USP34: variants seen among roughly 807,000 people sequenced by gnomAD.
USP34 encodes ubiquitin specific peptidase 34.
Under a neutral mutation model 460.3 loss-of-function variants are expected in USP34, and 70 were observed. That is an observed-to-expected ratio of 0.15 (90% confidence interval 0.13 to 0.19). The LOEUF (loss-of-function observed/expected upper bound fraction) is 0.19, where lower values mean the gene tolerates loss of function less well. USP34 is among the 10% of genes least tolerant of loss of function. USP34 has a pLI of 1.00. For synonymous variants in USP34, 1,647 were observed against 1,405.3 expected, an observed-to-expected ratio of 1.17 and a Z score of -3.85; for missense variants, 3,985 against 4,236.2, an observed-to-expected ratio of 0.94 and a Z score of 1.65.
chr2:61,356,938 CAAG>C (rs906163186), intron 10 of USP34, among the ~76,000 whole-genome samples: 2 of 151,784 alleles, frequency 1.3e-5, no homozygotes, highest in Non-Finnish European at 2.9e-5. Flanking sequence ...TTCAAAATAC[CAAG>C]AAGATATGAC....
intron 76 of USP34, 85 bp from the exon 77 acceptor site, chr2:61,190,743 C>G: frequency 6.7e-7 from 1 of 1,488,816 alleles, no homozygotes; most frequent in Non-Finnish European, 9.0e-7. Context: ...AAAAAACATA[C>G]ACTTGTGTAT....
intron 48 of USP34, among the ~76,000 whole-genome samples, chr2:61,252,758 A>G (rs992864029): frequency 6.6e-6 from 1 of 152,206 alleles, no homozygotes; most frequent in Non-Finnish European, 1.5e-5. Context: ...TCATCCTAAC[A>G]ATTCTGAAGA....
intron 27 of USP34, among the ~76,000 whole-genome samples, 177 bp downstream of exon 27, chr2:61,311,363 C>T (rs781222330): frequency 1.3e-5 from 2 of 151,732 alleles, no homozygotes; most frequent in Admixed American, 6.6e-5. Flanking sequence ...CTGTTCTTTA[C>T]CTAGTCTGTA....
intron 59 of USP34, among the ~76,000 whole-genome samples, chr2:61,229,330 T>A (rs1418569710): frequency 2.0e-5 from 3 of 151,686 alleles, no homozygotes; most frequent in Non-Finnish European, 4.4e-5. Flanking sequence ...TTAAGAAACT[T>A]AAAAATTAGG....
chr2:61,367,980 G>T (rs554955522), intron 10 of USP34, among the ~76,000 whole-genome samples: 1 of 152,038 alleles, frequency 6.6e-6, no homozygotes, highest in Non-Finnish European at 1.5e-5. Context: ...TTACAAAGAG[G>T]CAAGTAAAAA....
Position 61,266,180 on chromosome 2 carries a change from A to T in USP34, c.5434-13T>A. ...CTCTCAAAAATTCCTGGGGAGTAAA[A>T]GGAAACATGTTATCTAAACTGAGAT... On this transcript the variant is annotated splice_polypyrimidine_tract_variant and intron_variant, in intron 41 of 79. Transcript: ENST00000398571. 1 of 1,600,270 alleles carries T rather than the reference A, an allele frequency of 6.2e-7. No homozygotes were observed. The highest frequency in any genetic ancestry group is 8.6e-7 in the Non-Finnish European group (1 of 1,169,556).
chr2:61,229,465 A>AACAAAAAAAC, intron 59 of USP34, 83 bp downstream of exon 59: 1 of 633,290 alleles, frequency 1.6e-6, no homozygotes, highest in Non-Finnish European at 2.2e-6. Flanking sequence ...CTTAAAAAAA[A>AACAAAAAAAC]AAAAAAAAAA....
At chr2:61,276,080 G>C (rs1572893361) in intron 41 of USP34, among the ~76,000 whole-genome samples, 1 of 152,176 alleles carries the variant, frequency 6.6e-6, no homozygotes, top group South Asian at 2.1e-4. Context: ...TAAGTAAATG[G>C]AAAGAAACCC....
At chr2:61,379,653 T>C (rs980981857) in intron 7 of USP34, among the ~76,000 whole-genome samples, 1 of 152,236 alleles carries the variant, frequency 6.6e-6, no homozygotes, top group African/African-American at 2.4e-5. Flanking sequence ...ACTGTTGTTA[T>C]GCAAGAATAC....
chr2:61,266,498 G>A (rs547939797), intron 41 of USP34, among the ~76,000 whole-genome samples: 2 of 152,238 alleles, frequency 1.3e-5, no homozygotes, highest in Admixed American at 6.5e-5. Flanking sequence ...TGGCGCTTCT[G>A]CATTAACTTT....
intron 1 of USP34, among the ~76,000 whole-genome samples, chr2:61,450,379 C>A (rs1366227311): frequency 6.6e-6 from 1 of 152,110 alleles, no homozygotes; most frequent in Non-Finnish European, 1.5e-5. Flanking sequence ...TTGCACAACT[C>A]TGAATCAGTC....
intron 27 of USP34, among the ~76,000 whole-genome samples, chr2:61,311,265 G>A (rs780096146): frequency 3.9e-5 from 6 of 152,146 alleles, no homozygotes; most frequent in African/African-American, 1.2e-4. Context: ...CCCTCTGCCT[G>A]TGAGGAGGCA....
chr2:61,246,447 T>C lies in USP34; in HGVS notation c.6425A>G (p.Asp2142Gly). ...GFKEVSDHSK[D>G]SESYEYDLIG... ...CAAGTCATATTCATAGCTCTCTGAG[T>C]CTTTTGAATGATCACTGACTTCTTT... The change falls in exon 50 of 80, where the codon GAC (aspartate) becomes GGC (glycine). Residue 2142 changes from aspartate (D) to glycine (G), a missense_variant. Coordinates refer to ENST00000398571, the MANE Select transcript of USP34 (RefSeq NM_014709.4). The C allele has an allele frequency of 6.3e-7, 1 of 1,590,386 alleles. No individual in the cohort carries two copies. Among genetic ancestry groups the C allele is most frequent in the South Asian group, 1.2e-5 (1 of 85,962 alleles).
intron 53 of USP34, 129 bp from the exon 54 acceptor site, chr2:61,236,518 C>G (rs1233245289): frequency 3.0e-6 from 2 of 673,902 alleles, no homozygotes; most frequent in Non-Finnish European, 2.4e-6. Flanking sequence ...ACTTTAAGTT[C>G]ATTTTGATTT....
At chr2:61,367,234 A>T (rs1692467702) in intron 10 of USP34, among the ~76,000 whole-genome samples, 1 of 152,248 alleles carries the variant, frequency 6.6e-6, no homozygotes, top group Non-Finnish European at 1.5e-5. Flanking sequence ...TACAGTTATG[A>T]CTTCACATGC....
chr2:61,222,771 A>G, intron 64 of USP34, 108 bp from the exon 65 acceptor site: 1 of 1,006,674 alleles, frequency 9.9e-7, no homozygotes, highest in Non-Finnish European at 1.5e-6. Flanking sequence ...ATCACAGCTC[A>G]CTGCAGCCTC....
chr2:61,217,045 G>T (rs556835468), intron 67 of USP34, among the ~76,000 whole-genome samples: 3 of 149,812 alleles, frequency 2.0e-5, no homozygotes, highest in Admixed American at 2.0e-4. Flanking sequence ...CTACCACCGA[G>T]ATTCTACAAT....
At chr2:61,218,982 A>C (rs530611030) in intron 67 of USP34, among the ~76,000 whole-genome samples, 1 of 152,146 alleles carries the variant, frequency 6.6e-6, no homozygotes, top group Non-Finnish European at 1.5e-5. Flanking sequence ...GCTCATACTC[A>C]ATGAGTGAGG....
intron 53 of USP34, among the ~76,000 whole-genome samples, chr2:61,241,000 C>T (rs573921482): frequency 6.6e-5 from 10 of 152,252 alleles, no homozygotes; most frequent in African/African-American, 1.2e-4. Flanking sequence ...ACATTACTAA[C>T]CTCACAAATT....
Sources: gnomAD v4.1 joint callset for allele counts (sites outside exome capture counted in the v4.1 genomes callset) on GRCh38, gnomAD v4.1.1 for gene constraint, MANE v1.5 for transcripts, NCBI Gene and HGNC (gene_info 2026-07-23, HGNC 2026-07-21) for gene names.